The following ELF1 variants were observed in gnomAD, a reference collection of about 807,000 sequenced individuals.
ELF1 encodes the protein ETS-related transcription factor Elf-1.
In ELF1, 24 loss-of-function variants were observed where a neutral mutation model predicts 59.9. The ratio of observed to expected loss-of-function variants is 0.40; its 90% confidence interval spans 0.29 to 0.56. ELF1 has a LOEUF of 0.56. Among genes scored for constraint, ELF1 ranks in the 20% least tolerant of loss-of-function variants. ELF1 has a pLI of 0.44. For missense variants in ELF1, 627 were observed against 742.2 expected (o/e 0.84, Z 1.80); for synonymous variants, 248 against 266.2 (o/e 0.93, Z 0.67).
rs895770425 is a variant in ELF1 at position 40,931,968 on chromosome 13, G to A, written c.*1457C>T. The stretch of plus-strand genomic sequence containing the variant: ...TTTATAAACATTAAGTAATGCTGAT[G>A]TTCTAGTAATATTCTCTGCACACTT... On this transcript the variant is annotated 3_prime_UTR_variant, in exon 9 of 9. Transcript: ENST00000239882. 8 of 152,178 alleles carry A rather than the reference G, an allele frequency of 5.3e-5. No homozygotes were observed. The highest frequency in any genetic ancestry group is 1.9e-4 in the African/African-American group (8 of 41,440). 9.4% of individuals were successfully genotyped at this position (152,178 alleles called of 1,614,324 possible).
chr13:40,958,768 T>G, intron 3 of ELF1, 68 bp downstream of exon 3: 1 of 1,479,970 alleles, frequency 6.8e-7, no homozygotes, highest in East Asian at 2.3e-5. Flanking sequence ...TGCCCCCACA[T>G]CCTCAGGATT....
intron 3 of ELF1, among the ~76,000 whole-genome samples, chr13:40,955,750 G>A (rs1871326161): frequency 8.0e-6 from 1 of 125,574 alleles, no homozygotes; most frequent in African/African-American, 3.0e-5. Flanking sequence ...CGCCCGGCCA[G>A]CCGCCCCGTC....
At chr13:40,955,145 T>C (rs1160678915) in intron 3 of ELF1, among the ~76,000 whole-genome samples, 1 of 149,244 alleles carries the variant, frequency 6.7e-6, no homozygotes, top group East Asian at 2.1e-4. Flanking sequence ...CCGCCGCGTC[T>C]GAGAAGTGAG....
intron 1 of ELF1, among the ~76,000 whole-genome samples, chr13:41,015,527 T>G (rs1416140819): frequency 6.6e-6 from 1 of 152,182 alleles, no homozygotes; most frequent in Non-Finnish European, 1.5e-5. Context: ...GCCTTAAACC[T>G]GTAAACTCTC....
intron 8 of ELF1, among the ~76,000 whole-genome samples, chr13:40,938,821 A>C (rs566612792): frequency 2.6e-5 from 4 of 152,206 alleles, no homozygotes; most frequent in Admixed American, 2.0e-4. Context: ...AAAATCAAGA[A>C]AGATATAGTC....
intron 1 of ELF1, among the ~76,000 whole-genome samples, chr13:40,986,567 T>C (rs10507488): frequency 0.18 from 27,606 of 152,106 alleles, 2,682 homozygotes; most frequent in African/African-American, 0.22. Flanking sequence ...TTATAGCCCA[T>C]TGTCAACAAA....
In ELF1 at chr13:40,956,030, T is replaced by A. The variant is rs1449776917; in HGVS notation, c.253+2806A>T. Among the ~76,000 whole-genome samples the A allele has an allele frequency of 5.0e-5, 7 of 138,932 alleles. No individual in the cohort carries two copies. The East Asian group carries it at 6.3e-4, about 12-fold the overall frequency. 91.1% of individuals were successfully genotyped at this position (138,932 alleles called of 152,430 possible). On this transcript the variant is annotated intron_variant, in intron 3 of 8. Coordinates refer to ENST00000239882, the MANE Select transcript of ELF1 (RefSeq NM_172373.4). ...CTGCCTGGCCGCCCCTACTGGGAAG[T>A]GAGGAGCCCCTCTGCCCGGCCACCA... is the stretch of plus-strand genomic sequence containing the variant.
At chr13:41,039,006 CAAAAAAAAAAA>C (rs11405097) in intron 1 of ELF1, among the ~76,000 whole-genome samples, 5 of 76,574 alleles carry the variant, frequency 6.5e-5, no homozygotes, top group Admixed American at 4.7e-4. Context: ...GAGACTTTGT[CAAAAAAAAAAA>C]AAAAAAAAAG....
intron 1 of ELF1, among the ~76,000 whole-genome samples, chr13:41,039,323 A>G (rs1209420603): frequency 1.4e-5 from 2 of 144,724 alleles, no homozygotes; most frequent in African/African-American, 4.9e-5. Context: ...AATATGACAA[A>G]AAGTCCTTTT....
intron 1 of ELF1, among the ~76,000 whole-genome samples, chr13:41,058,265 C>A (rs1877361384): frequency 6.6e-6 from 1 of 152,132 alleles, no homozygotes; most frequent in Non-Finnish European, 1.5e-5. Flanking sequence ...TCTCCCATGG[C>A]CCTCCCTGCA....
intron 8 of ELF1, among the ~76,000 whole-genome samples, chr13:40,936,997 A>G (rs773296966): frequency 1.3e-4 from 20 of 152,178 alleles, no homozygotes; most frequent in Non-Finnish European, 2.9e-4. Context: ...GCCATCTGTC[A>G]GAAAATGCAT....
chr13:40,967,758 A>ATTT (rs368951830), intron 2 of ELF1, among the ~76,000 whole-genome samples: 1 of 144,624 alleles, frequency 6.9e-6, no homozygotes, highest in African/African-American at 2.5e-5. Context: ...TGTCTGGCTA[A>ATTT]TTTTTTTTTT....
chr13:41,015,880 A>G lies in ELF1; in HGVS notation c.-229+3348T>C, dbSNP rs1875329063. On this transcript the variant is annotated intron_variant, in intron 1 of 8. Coordinates refer to ENST00000239882, the MANE Select transcript of ELF1 (RefSeq NM_172373.4). ...TTAATACAACAAATAATACCTGTCT[A>G]CTCATATGTGCTTGGTACTTTGTCA... Among the ~76,000 whole-genome samples the G allele has an allele frequency of 2.6e-5, 4 of 152,134 alleles. No homozygotes were observed. The South Asian group carries it at 8.3e-4, about 32-fold the overall frequency.
intron 1 of ELF1, among the ~76,000 whole-genome samples, chr13:41,031,606 T>G (rs1876162957): frequency 6.6e-6 from 1 of 151,468 alleles, no homozygotes; most frequent in African/African-American, 2.4e-5. Context: ...GATCACGAGG[T>G]TGGGAGTTCA....
At chr13:41,055,269 C>G (rs1032209070) in intron 1 of ELF1, among the ~76,000 whole-genome samples, 1 of 152,090 alleles carries the variant, frequency 6.6e-6, no homozygotes, top group Non-Finnish European at 1.5e-5. Flanking sequence ...AGACCCTAAT[C>G]TATTTTCGCA....
rs372415395 is a variant in ELF1 at position 41,048,119 on chromosome 13, G to A, written c.-229+12719C>T. Among the ~76,000 whole-genome samples the A allele has an allele frequency of 3.5e-3, 533 of 152,318 alleles. 2 individuals are homozygous for A. Among genetic ancestry groups the A allele is most frequent in the South Asian group, 0.019 (93 of 4,822 alleles). On this transcript the variant is annotated intron_variant, in intron 1 of 1. Transcript: ENST00000405737. Reference sequence around the variant, plus strand: ...TCCTGGTGTGCCATTTGCTAAGACCGTTGGAAAAGCACAGTATTAGGGTGG... The same window carrying A: ...TCCTGGTGTGCCATTTGCTAAGACCATTGGAAAAGCACAGTATTAGGGTGG...
chr13:40,999,077 C>G (rs906934583), intron 1 of ELF1, among the ~76,000 whole-genome samples: 1 of 152,194 alleles, frequency 6.6e-6, no homozygotes, highest in African/African-American at 2.4e-5. Context: ...ATTTTAGAGG[C>G]ACCTGTGCTA....
chr13:41,050,935 A>G (rs1877063406), intron 1 of ELF1, among the ~76,000 whole-genome samples: 1 of 152,144 alleles, frequency 6.6e-6, no homozygotes, highest in Non-Finnish European at 1.5e-5. Flanking sequence ...ATTCTTGTAC[A>G]AGAGTTTCAG....
intron 1 of ELF1, among the ~76,000 whole-genome samples, chr13:41,006,959 T>C (rs1026442563): frequency 2.0e-5 from 3 of 152,170 alleles, no homozygotes; most frequent in African/African-American, 7.2e-5. Context: ...ATCTAAAACA[T>C]AAAATTTTGA....
Sources: gnomAD v4.1 joint callset for allele counts (sites outside exome capture counted in the v4.1 genomes callset) on GRCh38, gnomAD v4.1.1 for gene constraint, MANE v1.5 for transcripts, NCBI Gene and HGNC (gene_info 2026-07-23, HGNC 2026-07-21) for gene names.